The following WIPF2 variants were observed in gnomAD, a reference collection of about 807,000 sequenced individuals.
The protein encoded by WIPF2 is WAS/WASL interacting protein family member 2.
In WIPF2, 23 loss-of-function variants were observed where a neutral mutation model predicts 38.8. The ratio of observed to expected loss-of-function variants is 0.59; its 90% CI spans 0.43 to 0.84. The LOEUF (loss-of-function observed/expected upper bound fraction) is 0.84, where lower values mean the gene tolerates loss of function less well. Ranked by LOEUF, WIPF2 falls within the 40% of genes least tolerant of loss-of-function variation. The pLI is 0.00. For synonymous variants in WIPF2, 210 were observed against 223.2 expected, an observed-to-expected ratio of 0.94 and a Z score of 0.53; for missense variants, 574 against 580.5, an observed-to-expected ratio of 0.99 and a Z score of 0.11.
intron 1 of WIPF2, among the ~76,000 whole-genome samples, chr17:40,225,086 A>T (rs1384590498): frequency 6.6e-6 from 1 of 152,112 alleles, no homozygotes; most frequent in African/African-American, 2.4e-5. Flanking sequence ...TTTGCAAAGA[A>T]ATAGAGGCAG....
At chr17:40,226,686 C>A (rs1161868725) in intron 1 of WIPF2, among the ~76,000 whole-genome samples, 1 of 152,062 alleles carries the variant, frequency 6.6e-6, no homozygotes, top group African/African-American at 2.4e-5. Context: ...CTTTCCTTGT[C>A]TTAGAAATAA....
At chr17:40,220,119 G>T (rs1213394923) in intron 1 of WIPF2, among the ~76,000 whole-genome samples, 1 of 151,954 alleles carries the variant, frequency 6.6e-6, no homozygotes, top group Non-Finnish European at 1.5e-5. Context: ...TGTTGAAGTG[G>T]TGTGAAGTGA....
rs565417589 is a variant in WIPF2, at chr17:40,269,527, A to C, written c.971-4263A>C. Reference sequence around the variant, plus strand: ...CCCTGCCTCAAAACCCGCCCCCCCAAAACCCAAAAACTAGCATTATTGGTT... The same window carrying C: ...CCCTGCCTCAAAACCCGCCCCCCCACAACCCAAAAACTAGCATTATTGGTT... On this transcript the variant is annotated intron_variant, in intron 5 of 7. Transcript: ENST00000323571. Among the ~76,000 whole-genome samples the C allele has an allele frequency of 5.3e-5, 8 of 150,752 alleles. No homozygotes were observed. In the East Asian group the frequency reaches 1.6e-3, roughly 30 times the overall value.
chr17:40,233,430 AT>A (rs994471974), intron 1 of WIPF2, among the ~76,000 whole-genome samples: 6 of 150,686 alleles, frequency 4.0e-5, no homozygotes, highest in African/African-American at 1.2e-4. Flanking sequence ...CACTTTTGCA[AT>A]TTTTTTTCCC....
intron 2 of WIPF2, among the ~76,000 whole-genome samples, chr17:40,258,224 C>T (rs1445097035): frequency 1.3e-5 from 2 of 151,948 alleles, no homozygotes; most frequent in Non-Finnish European, 1.5e-5. Context: ...ATGGTGAAAC[C>T]CCATCTCTAC....
chr17:40,253,928 T>G (rs1186025415), intron 1 of WIPF2, among the ~76,000 whole-genome samples: 1 of 152,176 alleles, frequency 6.6e-6, no homozygotes, highest in Non-Finnish European at 1.5e-5. Flanking sequence ...GAGAGAAGTA[T>G]TAAATTACTG....
At chr17:40,276,654 C>CTGT (rs1292277526) in intron 6 of WIPF2, among the ~76,000 whole-genome samples, 2 of 152,034 alleles carry the variant, frequency 1.3e-5, no homozygotes, top group Admixed American at 6.6e-5. Context: ...TGGTTCACAC[C>CTGT]TGTAATCCCA....
At chr17:40,226,162 C>T (rs2030474537) in intron 1 of WIPF2, among the ~76,000 whole-genome samples, 1 of 147,744 alleles carries the variant, frequency 6.8e-6, no homozygotes, top group African/African-American at 2.5e-5. Flanking sequence ...AAACATTCTC[C>T]ATATGTATTC....
chr17:40,273,209 A>G lies in WIPF2; in HGVS notation c.971-581A>G, dbSNP rs573983240. Among the ~76,000 whole-genome samples, 129 of 151,706 alleles carry G rather than the reference A, an allele frequency of 8.5e-4. No individual in the cohort carries two copies. The Middle Eastern group carries it at 0.02, about 24-fold the overall frequency. On this transcript the variant is annotated intron_variant, in intron 5 of 7. Coordinates refer to ENST00000323571, the MANE Select transcript of WIPF2 (RefSeq NM_133264.5). ...CCACCACACCGGGCTAATTTTTTGT[A>G]TTTTTAGTAGAGATGGAGTTTCATC...
At chr17:40,220,108 A>G (rs2030109638) in intron 1 of WIPF2, among the ~76,000 whole-genome samples, 2 of 151,980 alleles carry the variant, frequency 1.3e-5, no homozygotes, top group South Asian at 4.1e-4. Context: ...TTGAGGGTTC[A>G]TGTTGAAGTG....
chr17:40,222,507 TCAA>T (rs774875261), intron 1 of WIPF2, among the ~76,000 whole-genome samples: 40 of 149,476 alleles, frequency 2.7e-4, no homozygotes, highest in Middle Eastern at 3.4e-3. Context: ...AAACTCCACC[TCAA>T]CAACAACAAC....
Position 40,257,878 on chromosome 17 carries a change from G to T in WIPF2, c.63+1356G>T, listed in dbSNP as rs188342186. On this transcript the variant is annotated intron_variant, in intron 2 of 7. Transcript: ENST00000323571. ...TGTGTGCACGCATAGGTGTGTATGTGTGCTTATATGTGTATGTTAAGTGTT... is the reference window on the plus strand; with the variant it reads ...TGTGTGCACGCATAGGTGTGTATGTTTGCTTATATGTGTATGTTAAGTGTT... Among the ~76,000 whole-genome samples the T allele has an allele frequency of 3.0e-4, 45 of 152,278 alleles. 1 individual carries two copies. The highest frequency in any genetic ancestry group is 2.8e-4 in the Non-Finnish European group (19 of 68,026).
chr17:40,262,674 C>A, intron 4 of WIPF2, 33 bp downstream of exon 4: 1 of 1,576,062 alleles, frequency 6.3e-7, no homozygotes, highest in South Asian at 1.1e-5. Flanking sequence ...GGGTATTTCC[C>A]TGGTGTGTTA....
chr17:40,271,505 TAAAA>T (rs915657619), intron 5 of WIPF2, among the ~76,000 whole-genome samples: 2 of 142,114 alleles, frequency 1.4e-5, no homozygotes, highest in Non-Finnish European at 3.1e-5. Context: ...CCCTGTCTCT[TAAAA>T]AAAAAAAAAA....
chr17:40,279,126 A>AGGGCGT lies in WIPF2; in HGVS notation c.*906_*911dup, dbSNP rs2032491396. ...AACCTCTGGTGGGAGATAGGAAGAT[A>AGGGCGT]GGGCGTGGGCCTGGGCCTTAACCTC... On this transcript the variant is annotated 3_prime_UTR_variant, in exon 8 of 8. Coordinates refer to ENST00000323571, the MANE Select transcript of WIPF2 (RefSeq NM_133264.5). 6.6e-6 allele frequency: 1 copy of AGGGCGT among 152,260 alleles called. No homozygotes were observed. Among genetic ancestry groups the AGGGCGT allele is most frequent in the Non-Finnish European group, 1.5e-5 (1 of 68,064 alleles). The allele number at this position is 152,260 out of a possible 1,614,324, so 9.4% of individuals were successfully genotyped here.
intron 1 of WIPF2, among the ~76,000 whole-genome samples, chr17:40,243,214 AT>A (rs1266802665): frequency 1.3e-5 from 2 of 152,150 alleles, no homozygotes; most frequent in Admixed American, 1.3e-4. Flanking sequence ...CTTTAAAAAA[AT>A]AATCTGGGGC....
Position 40,264,529 on chromosome 17 carries a change from C to G in WIPF2, c.353C>G (p.Ser118Cys), listed in dbSNP as rs1156788785. ...AAGCCAGCCCTGCAAATCCCCAGTT[C>G]TCGAGCTGCTGCCCCAAGGCCTCCA... ...AGKPALQIPS[S>C]RAAAPRPPVS... Residue 118 changes from serine (S) to cysteine (C), a missense_variant, in exon 5 of 8, where the codon TCT (serine) becomes TGT (cysteine). Ser to Cys is a moderately radical substitution (Grantham distance 112, BLOSUM62 -1). Transcript: ENST00000323571. 6.8e-6 allele frequency: 11 copies of G among 1,613,986 alleles called. No individual in the cohort carries two copies. Among genetic ancestry groups the G allele is most frequent in the Non-Finnish European group, 7.6e-6 (9 of 1,180,026 alleles).
At position 40,260,694 on chromosome 17, in the gene WIPF2, A is replaced by T. The variant is rs2031870423; in HGVS notation, c.196+27A>T. ...TGAGTCCGAGCTTCATTTCCTAGTGAACTGGCAGGATCCCAGGAGTGACTT... is the reference window on the plus strand; with the variant it reads ...TGAGTCCGAGCTTCATTTCCTAGTGTACTGGCAGGATCCCAGGAGTGACTT... On this transcript the variant is annotated intron_variant, in intron 3 of 7. Transcript: ENST00000323571. The T allele has an allele frequency of 2.5e-6, 4 of 1,613,198 alleles. No homozygotes were observed. In the Middle Eastern group the frequency reaches 4.9e-4, roughly 199 times the overall value.
rs1876310931 is a variant in WIPF2 at position 40,282,603 on chromosome 17, G to A, written c.*4378G>A. ...ATTGATTTTTTCCCCCCTCTAAAAT[G>A]TATAATCTGGTCTCAGGTTGGATTC... On this transcript the variant is annotated 3_prime_UTR_variant, in exon 8 of 8. Coordinates refer to ENST00000323571, the MANE Select transcript of WIPF2 (RefSeq NM_133264.5). 1 of 152,206 alleles carries A rather than the reference G, an allele frequency of 6.6e-6. No homozygotes were observed. The highest frequency in any genetic ancestry group is 6.5e-5 in the Admixed American group (1 of 15,276). 9.4% of individuals were successfully genotyped at this position (152,206 alleles called of 1,614,324 possible). A position where few individuals can be genotyped will look rare whatever the true frequency, so the allele number is the denominator to read the frequency against.
Sources: gnomAD v4.1 joint callset for allele counts (sites outside exome capture counted in the v4.1 genomes callset) on GRCh38, gnomAD v4.1.1 for gene constraint, MANE v1.5 for transcripts, NCBI Gene and HGNC (gene_info 2026-07-23, HGNC 2026-07-21) for gene names.